KHDRBS3: variants seen among roughly 807,000 people sequenced by gnomAD.
The protein encoded by KHDRBS3 is KH domain-containing, RNA-binding, signal transduction-associated protein 3.
KHDRBS3 carries 23 observed loss-of-function variants against 45.6 expected under a neutral mutation model. The ratio of observed to expected loss-of-function variants is 0.50; its 90% confidence interval spans 0.36 to 0.72. The LOEUF (loss-of-function observed/expected upper bound fraction) is 0.72. KHDRBS3 is among the 30% of genes least tolerant of loss of function. The pLI, the probability that KHDRBS3 is intolerant of heterozygous loss-of-function variation, is 0.00. For missense variants in KHDRBS3, 352 were observed against 424.8 expected (o/e 0.83, Z 1.51); for synonymous variants, 162 against 156.5 (o/e 1.04, Z -0.26).
At chr8:135,579,624 A>G (rs2130916485) in intron 5 of KHDRBS3, among the ~76,000 whole-genome samples, 1 of 152,292 alleles carries the variant, frequency 6.6e-6, no homozygotes, top group South Asian at 2.1e-4. Context: ...GGTGTGAGCC[A>G]CCATTCCTGC....
intron 7 of KHDRBS3, among the ~76,000 whole-genome samples, chr8:135,626,395 T>C (rs925010430): frequency 7.2e-5 from 11 of 152,182 alleles, no homozygotes; most frequent in Non-Finnish European, 1.6e-4. Flanking sequence ...TAAAAGTAAA[T>C]ATGGCATTGC....
chr8:135,592,758 T>G (rs917126728), intron 6 of KHDRBS3, among the ~76,000 whole-genome samples: 1 of 7,944 alleles, frequency 1.3e-4, no homozygotes, highest in Admixed American at 2.1e-3. Context: ...GGCTTCGAAC[T>G]CTGGTTATAT....
chr8:135,477,048 A>G (rs1247315248), intron 1 of KHDRBS3, among the ~76,000 whole-genome samples: 1 of 152,232 alleles, frequency 6.6e-6, no homozygotes, highest in Non-Finnish European at 1.5e-5. Context: ...ATATGTAATA[A>G]TGACAATGAT....
chr8:135,516,392 G>C (rs1824603301), intron 1 of KHDRBS3, among the ~76,000 whole-genome samples: 1 of 152,172 alleles, frequency 6.6e-6, no homozygotes, highest in South Asian at 2.1e-4. Flanking sequence ...GTAATGCTTT[G>C]TGCTGCAAGG....
chr8:135,579,750 G>A (rs1396040397), intron 5 of KHDRBS3, among the ~76,000 whole-genome samples: 1 of 152,070 alleles, frequency 6.6e-6, no homozygotes, highest in African/African-American at 2.4e-5. Context: ...TCCTACTTTG[G>A]CCTTGTTGAT....
chr8:135,537,985 A>T (rs1026977665), intron 2 of KHDRBS3, among the ~76,000 whole-genome samples: 1 of 152,154 alleles, frequency 6.6e-6, no homozygotes, highest in African/African-American at 2.4e-5. Context: ...GAAAGGGACT[A>T]TTGGCAATAG....
At chr8:135,577,098 T>A (rs1827978706) in intron 5 of KHDRBS3, among the ~76,000 whole-genome samples, 1 of 143,910 alleles carries the variant, frequency 6.9e-6, no homozygotes, top group Non-Finnish European at 1.5e-5. Context: ...AGAACAGTGC[T>A]TATTTACGGT....
chr8:135,620,158 C>T (rs757572155), intron 7 of KHDRBS3, among the ~76,000 whole-genome samples: 1 of 151,850 alleles, frequency 6.6e-6, no homozygotes, highest in Non-Finnish European at 1.5e-5. Context: ...CTGCAACCTC[C>T]GCCTCCTTGG....
At chr8:135,628,323 G>T (rs1423668003) in intron 7 of KHDRBS3, among the ~76,000 whole-genome samples, 1 of 152,032 alleles carries the variant, frequency 6.6e-6, no homozygotes, top group African/African-American at 2.4e-5. Context: ...CATATAGTGG[G>T]TGCTCTGTAA....
intron 7 of KHDRBS3, among the ~76,000 whole-genome samples, chr8:135,635,186 A>G (rs1037774822): frequency 4.6e-5 from 7 of 152,150 alleles, no homozygotes; most frequent in African/African-American, 1.4e-4. Context: ...AAAAATCTCT[A>G]TTTTCTTAAA....
At chr8:135,548,967 T>C in intron 4 of KHDRBS3, 67 bp downstream of exon 4, 1 of 1,158,408 alleles carries the variant, frequency 8.6e-7, no homozygotes, top group Non-Finnish European at 1.2e-6. Flanking sequence ...TTGATACTTC[T>C]TGTCTGTAAC....
chr8:135,593,682 T>C (rs558401916), intron 6 of KHDRBS3, among the ~76,000 whole-genome samples: 165 of 152,256 alleles, frequency 1.1e-3, no homozygotes, highest in Non-Finnish European at 1.7e-3. Flanking sequence ...CTCACTTTGT[T>C]ACCCAGAATG....
Position 135,457,537 on chromosome 8 carries a change from C to T in KHDRBS3, c.-330C>T. On this transcript the variant is annotated 5_prime_UTR_variant, in exon 1 of 9. Coordinates refer to ENST00000355849, the MANE Select transcript of KHDRBS3 (RefSeq NM_006558.3). This position sits in a 1 kb window ranked among gnomAD's most constrained non-coding sequence, Gnocchi z 4.4. ...AGGTGCTGGCGGGACTGGCGGGGAT[C>T]GCCGTGGACTGCCTCAGGGGCGCCG... The T allele has an allele frequency of 6.8e-6, 1 of 146,804 alleles. No homozygotes were observed. Among genetic ancestry groups the T allele is most frequent in the South Asian group, 2.0e-4 (1 of 5,064 alleles). The allele number at this position is 146,804 out of a possible 1,614,324, so 9.1% of individuals were successfully genotyped here. A position where few individuals can be genotyped will look rare whatever the true frequency, so the allele number is the denominator to read the frequency against.
chr8:135,540,742 C>G (rs1826007009), intron 2 of KHDRBS3: 1 of 152,210 alleles, frequency 6.6e-6, no homozygotes, highest in Non-Finnish European at 1.5e-5. Context: ...AATACAGATA[C>G]TGATATTTCA....
chr8:135,521,453 C>T (rs549742818), intron 2 of KHDRBS3, 98 bp downstream of exon 2: 13 of 683,508 alleles, frequency 1.9e-5, no homozygotes, highest in Non-Finnish European at 3.1e-5. Flanking sequence ...GAGATGTTTT[C>T]TCTTAGCATC....
intron 2 of KHDRBS3, among the ~76,000 whole-genome samples, chr8:135,537,011 A>G (rs1586682896): frequency 1.5e-5 from 2 of 137,790 alleles, no homozygotes; most frequent in Admixed American, 7.2e-5. Flanking sequence ...GATGTTTAGG[A>G]GGTAAAATCA....
At chr8:135,549,813 ATTATT>A (rs1252469850) in intron 4 of KHDRBS3, 1 of 152,224 alleles carries the variant, frequency 6.6e-6, no homozygotes, top group African/African-American at 2.4e-5. Context: ...GAGGAAAACA[ATTATT>A]ATATTTATAG....
intron 5 of KHDRBS3, among the ~76,000 whole-genome samples, chr8:135,580,453 TTC>T (rs1456663519): frequency 1.3e-5 from 2 of 152,200 alleles, no homozygotes; most frequent in Non-Finnish European, 2.9e-5. Flanking sequence ...GATTATTTAA[TTC>T]TCTTTGTGTT....
chr8:135,459,081 G>A (rs1414396266), intron 1 of KHDRBS3, among the ~76,000 whole-genome samples: 2 of 152,206 alleles, frequency 1.3e-5, no homozygotes, highest in African/African-American at 4.8e-5. Flanking sequence ...CTGACAGTCT[G>A]TGGTTCCCTA....
Sources: gnomAD v4.1 joint callset for allele counts (sites outside exome capture counted in the v4.1 genomes callset) on GRCh38, gnomAD v4.1.1 for gene constraint, Gnocchi (gnomAD v3.1) non-coding constraint, MANE v1.5 for transcripts, NCBI Gene and HGNC (gene_info 2026-07-23, HGNC 2026-07-21) for gene names.